Variants in PCNX2 observed in about 807,000 individuals in gnomAD.
The protein encoded by PCNX2 is pecanex 2.
Under a neutral mutation model 223.8 loss-of-function variants are expected in PCNX2, and 168 were observed. The ratio of observed to expected loss-of-function variants is 0.75; its 90% CI spans 0.66 to 0.85. The LOEUF (loss-of-function observed/expected upper bound fraction) is 0.85, where lower values mean the gene tolerates loss of function less well. Among genes scored for constraint, PCNX2 ranks in the 40% least tolerant of loss-of-function variants. The pLI is 0.00. For synonymous variants in PCNX2, 1,006 were observed against 1,052.6 expected, an observed-to-expected ratio of 0.96 and a Z score of 0.86; for missense variants, 2,507 against 2,675.5, an observed-to-expected ratio of 0.94 and a Z score of 1.39.
intron 8 of PCNX2, among the ~76,000 whole-genome samples, chr1:233,239,278 T>A (rs74147309): frequency 6.6e-6 from 1 of 152,334 alleles, no homozygotes; most frequent in African/African-American, 2.4e-5. Context: ...AAGAATTGAC[T>A]ACGACATAAT....
Position 232,999,316 on chromosome 1 carries a change from T to C in PCNX2, c.5392A>G (p.Asn1798Asp). The stretch of plus-strand genomic sequence containing the variant: ...ATACTGCCGCGCTCCGGATTGCGGT[T>C]GCGAAGAAATATAAGCTCCTGCTGC... ...GQQQELIFLR[N>D]RNPERGSIQN... Residue 1798 changes from asparagine (N) to aspartate (D), a missense_variant, in exon 31 of 34, where the codon AAC (asparagine) becomes GAC (aspartate). Transcript: ENST00000258229. 4 of 1,606,356 alleles carry C rather than the reference T, an allele frequency of 2.5e-6. No individual in the cohort carries two copies. Among genetic ancestry groups the C allele is most frequent in the Non-Finnish European group, 3.4e-6 (4 of 1,176,210 alleles).
intron 15 of PCNX2, among the ~76,000 whole-genome samples, chr1:233,194,419 T>C (rs1680599822): frequency 1.3e-5 from 2 of 151,668 alleles, no homozygotes; most frequent in Admixed American, 6.6e-5. Context: ...AGAAATATGA[T>C]GGCAAGCAGA....
intron 25 of PCNX2, among the ~76,000 whole-genome samples, chr1:233,034,911 T>C (rs918916098): frequency 6.6e-6 from 1 of 152,248 alleles, no homozygotes; most frequent in African/African-American, 2.4e-5. Context: ...AAAGAGATTT[T>C]CAAGTCCCAG....
chr1:233,038,528 C>G (rs1350976111), intron 25 of PCNX2, among the ~76,000 whole-genome samples: 2 of 152,170 alleles, frequency 1.3e-5, no homozygotes, highest in African/African-American at 4.8e-5. Flanking sequence ...GGCTTCGTCT[C>G]TCCTATTAAC....
At position 233,218,409 on chromosome 1, in the gene PCNX2, C is replaced by T. The variant is rs1050734039; in HGVS notation, c.2505-225G>A. Among the ~76,000 whole-genome samples, 17 of 129,634 alleles carry T rather than the reference C, an allele frequency of 1.3e-4. No individual in the cohort carries two copies. The East Asian group carries it at 2.9e-3, about 22-fold the overall frequency. The allele number at this position is 129,634 out of a possible 152,430, so 85.0% of individuals were successfully genotyped here. A position where few individuals can be genotyped will look rare whatever the true frequency, so the allele number is the denominator to read the frequency against. On this transcript the variant is annotated intron_variant, in intron 10 of 33. Coordinates refer to ENST00000258229, the MANE Select transcript of PCNX2 (RefSeq NM_014801.4). ...GACTACAGGCACCCGCCACCAAGCC[C>T]GGCTAATTTTTTTATTTTTTTTAGT...
At chr1:232,993,291 A>G (rs1669766611) in intron 32 of PCNX2, among the ~76,000 whole-genome samples, 1 of 152,228 alleles carries the variant, frequency 6.6e-6, no homozygotes, top group South Asian at 2.1e-4. Flanking sequence ...GAACTAGAAC[A>G]AAGATCACTC....
rs1199828656 is a variant in PCNX2 at position 233,258,349 on chromosome 1, T to C, written c.1513A>G (p.Lys505Glu). ...TTAGTCTGGCCTTCCTTCCCCACCT[T>C]AGACTCGGAGCCTGTATCAGGTGTA... ...RLTPDTGSES[K>E]VGKEGQTNLD... Residue 505 changes from lysine (K) to glutamate (E), a missense_variant, in exon 5 of 34, where the codon AAG becomes GAG. Physicochemically the swap from Lys to Glu is moderately conservative, Grantham distance 56. This residue lies in a region of PCNX2 where 1,031 missense variants were observed against 1,021.7 expected (regional missense o/e 1.01). Coordinates refer to ENST00000258229, the MANE Select transcript of PCNX2 (RefSeq NM_014801.4). The C allele has an allele frequency of 4.3e-6, 7 of 1,613,996 alleles. No individual in the cohort carries two copies. Among genetic ancestry groups the C allele is most frequent in the South Asian group, 1.1e-5 (1 of 91,086 alleles).
intron 1 of PCNX2, among the ~76,000 whole-genome samples, chr1:233,283,043 AAC>A (rs1661269420): frequency 6.6e-6 from 1 of 151,246 alleles, no homozygotes; most frequent in African/African-American, 2.5e-5. Context: ...TAATAATAAT[AAC>A]TTCTAAACAG....
At chr1:233,191,000 T>C (rs1203562643) in intron 15 of PCNX2, among the ~76,000 whole-genome samples, 1 of 152,124 alleles carries the variant, frequency 6.6e-6, no homozygotes, top group Non-Finnish European at 1.5e-5. Context: ...TGGAGCCACA[T>C]TTGGGGAGGT....
intron 25 of PCNX2, among the ~76,000 whole-genome samples, chr1:233,039,309 G>T (rs1671564993): frequency 6.6e-6 from 1 of 152,058 alleles, no homozygotes; most frequent in African/African-American, 2.4e-5. Flanking sequence ...GGACCTTGGG[G>T]TCAGTCACAT....
At chr1:233,161,519 T>C (rs1484962588) in intron 17 of PCNX2, 156 bp from the exon 18 acceptor site, 2 of 182,704 alleles carry the variant, frequency 1.1e-5, no homozygotes, top group Non-Finnish European at 2.1e-5. Flanking sequence ...CTGGATGGGC[T>C]GTTCATTAGC....
intron 19 of PCNX2, among the ~76,000 whole-genome samples, chr1:233,156,464 C>T (rs78027361): frequency 0.057 from 8,748 of 152,156 alleles, 487 homozygotes; most frequent in East Asian, 0.31. Context: ...CAAGCACTGC[C>T]GTGAGCACTG....
intron 28 of PCNX2, among the ~76,000 whole-genome samples, chr1:233,005,367 C>T (rs1199010262): frequency 1.3e-5 from 2 of 152,172 alleles, no homozygotes; most frequent in African/African-American, 2.4e-5. Flanking sequence ...TGCCCAGCTG[C>T]GTGTGCCCGG....
intron 1 of PCNX2, among the ~76,000 whole-genome samples, chr1:233,270,987 G>A (rs567060858): frequency 4.6e-5 from 7 of 152,176 alleles, no homozygotes; most frequent in South Asian, 4.1e-4. Context: ...AGAGAATATT[G>A]AATGGATAAC....
intron 26 of PCNX2, among the ~76,000 whole-genome samples, chr1:233,024,271 A>T (rs2102831962): frequency 6.6e-6 from 1 of 152,296 alleles, no homozygotes; most frequent in Non-Finnish European, 1.5e-5. Flanking sequence ...TTTAGGTGCC[A>T]AGTTATCTTT....
At chr1:233,094,106 C>CCTAA (rs1674025114) in intron 22 of PCNX2, among the ~76,000 whole-genome samples, 1 of 152,176 alleles carries the variant, frequency 6.6e-6, no homozygotes, top group South Asian at 2.1e-4. Context: ...ATTGAATTCA[C>CCTAA]CTAACAAGGC....
intron 23 of PCNX2, among the ~76,000 whole-genome samples, chr1:233,077,809 C>T (rs1480469198): frequency 6.6e-6 from 1 of 151,592 alleles, no homozygotes; most frequent in Non-Finnish European, 1.5e-5. Flanking sequence ...ACTTTACTGG[C>T]CACTTTTCAT....
chr1:233,054,175 T>C (rs2102875643), intron 25 of PCNX2, 93 bp downstream of exon 25: 4 of 1,161,370 alleles, frequency 3.4e-6, no homozygotes, highest in East Asian at 2.5e-5. Flanking sequence ...ATTAAGTTTT[T>C]CCTGTTTAAC....
the PCNX2 span, among the ~76,000 whole-genome samples, chr1:233,312,481 C>T: frequency 6.6e-6 from 1 of 152,128 alleles, no homozygotes; most frequent in Non-Finnish European, 1.5e-5. Flanking sequence ...ACTATAATTT[C>T]AAGAAGCACC....
Sources: gnomAD v4.1 joint callset for allele counts (sites outside exome capture counted in the v4.1 genomes callset) on GRCh38, gnomAD v4.1.1 for gene constraint, gnomAD v4.1.1 regional missense constraint, MANE v1.5 for transcripts, NCBI Gene and HGNC (gene_info 2026-07-23, HGNC 2026-07-21) for gene names.